The following DPP10 variants were observed in gnomAD, a reference collection of about 807,000 sequenced individuals.
DPP10 encodes inactive dipeptidyl peptidase 10.
In DPP10, 33 loss-of-function variants were observed where a neutral mutation model predicts 120.9. That is an observed-to-expected ratio of 0.27 (90% CI 0.21 to 0.37). DPP10 has a LOEUF of 0.37. Among genes scored for constraint, DPP10 ranks in the 10% least tolerant of loss-of-function variants. The probability of loss-of-function intolerance (pLI) is 1.00; values close to 1 mark genes in which losing one functional copy is unlikely to be tolerated. For synonymous variants in DPP10, 337 were observed against 326.1 expected (o/e 1.03, Z -0.36); for missense variants, 816 against 942.8 (o/e 0.87, Z 1.76).
chr2:114,838,068 G>A (rs1375986631), intron 1 of DPP10, among the ~76,000 whole-genome samples: 1 of 152,188 alleles, frequency 6.6e-6, no homozygotes, highest in East Asian at 1.9e-4. Flanking sequence ...TCTGAAGAAT[G>A]TGACCTTAAG....
intron 1 of DPP10, among the ~76,000 whole-genome samples, chr2:114,903,528 G>A (rs1442290582): frequency 6.6e-6 from 1 of 152,160 alleles, no homozygotes; most frequent in Non-Finnish European, 1.5e-5. Context: ...TTTTCCTGAT[G>A]AGATATGATG....
intron 1 of DPP10, among the ~76,000 whole-genome samples, chr2:114,736,310 C>A (rs938164985): frequency 6.6e-6 from 1 of 151,996 alleles, no homozygotes; most frequent in Non-Finnish European, 1.5e-5. Flanking sequence ...GAGTTCAATT[C>A]TGAGTTTCTC....
intron 1 of DPP10, among the ~76,000 whole-genome samples, chr2:114,812,673 C>A (rs1685283369): frequency 2.0e-5 from 3 of 151,496 alleles, no homozygotes; most frequent in African/African-American, 7.3e-5. Flanking sequence ...ACCTCTGTAT[C>A]TCTACAGCTT....
chr2:115,395,231 C>T (rs985852347), intron 3 of DPP10, among the ~76,000 whole-genome samples: 1 of 152,200 alleles, frequency 6.6e-6, no homozygotes, highest in African/African-American at 2.4e-5. Context: ...TCTGCCTCTC[C>T]CCATGGTCCT....
At chr2:115,353,402 A>G (rs1285904819) in intron 3 of DPP10, among the ~76,000 whole-genome samples, 1 of 152,156 alleles carries the variant, frequency 6.6e-6, no homozygotes, top group Non-Finnish European at 1.5e-5. Context: ...CAGTATTGGC[A>G]TATGATTAGA....
At chr2:114,923,113 T>A (rs1423242329) in intron 1 of DPP10, among the ~76,000 whole-genome samples, 1 of 152,146 alleles carries the variant, frequency 6.6e-6, no homozygotes, top group Non-Finnish European at 1.5e-5. Context: ...GAGTTCTTTG[T>A]ACATTTTGGA....
chr2:114,460,526 A>G (rs1678842975), intron 1 of DPP10, among the ~76,000 whole-genome samples: 1 of 152,170 alleles, frequency 6.6e-6, no homozygotes, highest in Non-Finnish European at 1.5e-5. Flanking sequence ...GAGTAAATTC[A>G]CAATTTAAAC....
At chr2:114,801,360 T>A (rs1334212698) in intron 1 of DPP10, among the ~76,000 whole-genome samples, 1 of 152,004 alleles carries the variant, frequency 6.6e-6, no homozygotes, top group Admixed American at 6.6e-5. Context: ...TGTAACTGAT[T>A]CTAAAGGAGT....
At position 115,091,548 on chromosome 2, in the gene DPP10, ATG is replaced by A. The variant is rs1408748772; in HGVS notation, c.61-217687_61-217686del. Among the ~76,000 whole-genome samples the A allele has an allele frequency of 8.5e-5, 13 of 152,148 alleles. No homozygotes were observed. In the East Asian group the frequency reaches 2.1e-3, roughly 25 times the overall value. On this transcript the variant is annotated intron_variant, in intron 1 of 25. Coordinates refer to ENST00000410059, the MANE Select transcript of DPP10 (RefSeq NM_020868.6). ...CGCCTTCTCCCCCCTCAACCCCAAC[ATG>A]TGTCTATATGTTTAGTGACACTTAA...
At chr2:115,225,843 T>C (rs7567991) in intron 1 of DPP10, among the ~76,000 whole-genome samples, 61,357 of 151,698 alleles carry the variant, frequency 0.4, 13,587 homozygotes, top group Non-Finnish European at 0.5. Context: ...TTATTGTATA[T>C]GGCAAAGGGT....
intron 1 of DPP10, among the ~76,000 whole-genome samples, chr2:114,938,729 CTTTTTT>C (rs5833569): frequency 9.7e-6 from 1 of 102,594 alleles, no homozygotes; most frequent in Non-Finnish European, 2.1e-5. Flanking sequence ...CACTTTGTCC[CTTTTTT>C]TTTTTTTTTT....
chr2:114,612,287 A>G (rs1196285731), intron 1 of DPP10, among the ~76,000 whole-genome samples: 1 of 151,922 alleles, frequency 6.6e-6, no homozygotes. Flanking sequence ...ATCCCTTTTT[A>G]TCCAGCTCCT....
intron 1 of DPP10, among the ~76,000 whole-genome samples, chr2:115,178,328 C>G (rs963439684): frequency 6.6e-6 from 1 of 152,158 alleles, no homozygotes; most frequent in African/African-American, 2.4e-5. Flanking sequence ...AATCCAGGTT[C>G]AAAGCCCGGT....
At chr2:114,731,495 G>T (rs1469299898) in intron 1 of DPP10, among the ~76,000 whole-genome samples, 1 of 152,100 alleles carries the variant, frequency 6.6e-6, no homozygotes, top group Admixed American at 6.5e-5. Flanking sequence ...CCTTCCGTGG[G>T]ATACTTCTTT....
chr2:114,980,829 A>AT (rs957530293), intron 1 of DPP10, among the ~76,000 whole-genome samples: 30 of 151,016 alleles, frequency 2.0e-4, no homozygotes, highest in Admixed American at 3.3e-4. Flanking sequence ...CATATGCCTG[A>AT]TTTTTTTTTA....
chr2:115,557,171 C>T (rs540278689), intron 5 of DPP10, among the ~76,000 whole-genome samples: 2 of 152,270 alleles, frequency 1.3e-5, no homozygotes, highest in Non-Finnish European at 2.9e-5. Context: ...CTCCCTCTCT[C>T]TCTCTGTACA....
At chr2:115,202,178 C>T (rs1236335673) in intron 1 of DPP10, among the ~76,000 whole-genome samples, 2 of 152,110 alleles carry the variant, frequency 1.3e-5, no homozygotes, top group Non-Finnish European at 2.9e-5. Context: ...ATCCTCCTGC[C>T]TCAGCCTCCT....
chr2:115,224,491 T>C (rs985182772), intron 1 of DPP10, among the ~76,000 whole-genome samples: 4 of 151,996 alleles, frequency 2.6e-5, no homozygotes, highest in Admixed American at 6.6e-5. Context: ...ACAGAAGCAG[T>C]GAGTAGAATG....
chr2:114,831,982 C>A (rs1687175862), intron 1 of DPP10, among the ~76,000 whole-genome samples: 1 of 151,034 alleles, frequency 6.6e-6, no homozygotes, highest in South Asian at 2.1e-4. Context: ...TTCCTATCTT[C>A]CCAATATTTT....
Sources: allele counts gnomAD v4.1 joint callset (sites outside exome capture counted in the v4.1 genomes callset), GRCh38; gene constraint gnomAD v4.1.1; transcripts MANE v1.5; gene names NCBI Gene and HGNC (gene_info 2026-07-23, HGNC 2026-07-21).